The following DCDC1 variants were observed in gnomAD, a reference collection of about 807,000 sequenced individuals.
The protein encoded by DCDC1 is doublecortin domain-containing protein 1.
Under a neutral mutation model 178.3 loss-of-function variants are expected in DCDC1, and 200 were observed. The ratio of observed to expected loss-of-function variants is 1.12; its 90% CI spans 1.00 to 1.26. The LOEUF (loss-of-function observed/expected upper bound fraction) is 1.26, where lower values mean the gene tolerates loss of function less well. DCDC1 is among the 50% of genes most tolerant of loss of function. The probability of loss-of-function intolerance (pLI) is 0.00; values close to 1 mark genes in which losing one functional copy is unlikely to be tolerated. For missense variants in DCDC1, 1,983 were observed against 1,749.2 expected, an observed-to-expected ratio of 1.13 and a Z score of -2.38; for synonymous variants, 690 against 604.8, an observed-to-expected ratio of 1.14 and a Z score of -2.07.
chr11:31,330,071 G>C (rs1949883485), intron 2 of DCDC1, among the ~76,000 whole-genome samples: 1 of 152,122 alleles, frequency 6.6e-6, no homozygotes, highest in African/African-American at 2.4e-5. Context: ...GTTGTTTCCT[G>C]ACTTTTTAAT....
intron 12 of DCDC1, among the ~76,000 whole-genome samples, chr11:31,109,000 C>A (rs1959029122): frequency 6.6e-6 from 1 of 152,138 alleles, no homozygotes; most frequent in African/African-American, 2.4e-5. Context: ...TCCCAAAGAA[C>A]TTTATAATGC....
intron 20 of DCDC1, among the ~76,000 whole-genome samples, chr11:31,032,746 G>A (rs1953737652): frequency 6.6e-6 from 1 of 152,180 alleles, no homozygotes; most frequent in Admixed American, 6.5e-5. Flanking sequence ...GAGTTGGTTT[G>A]AAGTTGTGGG....
chr11:31,164,106 G>C (rs577713770), intron 9 of DCDC1, among the ~76,000 whole-genome samples: 1 of 152,126 alleles, frequency 6.6e-6, no homozygotes, highest in African/African-American at 2.4e-5. Context: ...AAATCTTTAT[G>C]AGAAAGGGCA....
intron 18 of DCDC1, among the ~76,000 whole-genome samples, chr11:31,066,086 G>C (rs1339734007): frequency 6.6e-6 from 1 of 152,072 alleles, no homozygotes; most frequent in African/African-American, 2.4e-5. Flanking sequence ...TAATATTTCA[G>C]TTATGTTAAT....
intron 20 of DCDC1, among the ~76,000 whole-genome samples, chr11:30,970,579 G>A (rs1206275058): frequency 6.6e-6 from 1 of 152,186 alleles, no homozygotes; most frequent in Non-Finnish European, 1.5e-5. Context: ...CATTGGCAGT[G>A]ACTCCACCAC....
At chr11:31,006,179 G>A (rs1292349810) in intron 20 of DCDC1, among the ~76,000 whole-genome samples, 1 of 152,028 alleles carries the variant, frequency 6.6e-6, no homozygotes, top group East Asian at 1.9e-4. Flanking sequence ...TATGAATACA[G>A]ATTCTCATTC....
At chr11:30,903,793 G>GA (rs1944877080) in intron 31 of DCDC1, 110 bp from the exon 32 acceptor site, 1 of 984,748 alleles carries the variant, frequency 1.0e-6, no homozygotes, top group African/African-American at 1.7e-5. Flanking sequence ...TTGAATTTGA[G>GA]AAAATAGAAA....
intron 11 of DCDC1, among the ~76,000 whole-genome samples, chr11:31,116,849 T>G (rs1327868907): frequency 6.6e-6 from 1 of 152,144 alleles, no homozygotes; most frequent in Non-Finnish European, 1.5e-5. Flanking sequence ...TTCATCAATC[T>G]AAATGGTAAC....
chr11:31,153,176 G>T lies in DCDC1; in HGVS notation c.1222-15392C>A, dbSNP rs1054153546. 3.9e-5 allele frequency among the ~76,000 whole-genome samples: 6 copies of T among 152,124 alleles called. No homozygotes were observed. In the East Asian group the frequency reaches 1.2e-3, roughly 29 times the overall value. On this transcript the variant is annotated intron_variant, in intron 9 of 38. Transcript: ENST00000684477. ...CCAAACCCCTCAGTGACTCCCTACT[G>T]CCTACAGGTTAGAAACCCAAGCTCT...
intron 9 of DCDC1, among the ~76,000 whole-genome samples, chr11:31,164,575 A>T (rs1966610976): frequency 6.6e-6 from 1 of 152,094 alleles, no homozygotes; most frequent in South Asian, 2.1e-4. Context: ...CGTAAAAAAA[A>T]ATTAAAAATA....
chr11:31,363,356 AAG>A (rs1951802761), intron 1 of DCDC1, among the ~76,000 whole-genome samples: 1 of 152,094 alleles, frequency 6.6e-6, no homozygotes, highest in Non-Finnish European at 1.5e-5. Context: ...ATTTTAAAAC[AAG>A]AGTTATTGCC....
intron 7 of DCDC1, among the ~76,000 whole-genome samples, chr11:31,279,170 G>T (rs1355464027): frequency 6.6e-6 from 1 of 152,048 alleles, no homozygotes; most frequent in Non-Finnish European, 1.5e-5. Context: ...TGCACATATT[G>T]TGTTAAATGA....
intron 20 of DCDC1, among the ~76,000 whole-genome samples, chr11:30,988,471 G>A (rs1022030386): frequency 6.6e-6 from 1 of 151,902 alleles, no homozygotes; most frequent in Admixed American, 6.6e-5. Flanking sequence ...GTTTGGGAAA[G>A]GAAAATAAGC....
At position 30,925,272 on chromosome 11, in the gene DCDC1, T is replaced by C. The variant is rs1590384997; in HGVS notation, c.2997+37A>G. ...GATTCTTTCTTGGATGGGGTATTAA[T>C]AAATTAATATTGCCAGTTTCAAATC... On this transcript the variant is annotated intron_variant, in intron 23 of 38. Coordinates refer to ENST00000684477, the MANE Select transcript of DCDC1 (RefSeq NM_001387274.1). 1.1e-5 allele frequency: 17 copies of C among 1,551,854 alleles called. No individual in the cohort carries two copies. In the East Asian group the frequency reaches 3.8e-4, roughly 35 times the overall value.
chr11:31,252,864 G>A (rs747777795), intron 8 of DCDC1, among the ~76,000 whole-genome samples: 3 of 151,932 alleles, frequency 2.0e-5, no homozygotes, highest in African/African-American at 4.8e-5. Context: ...AAGCAGTGAC[G>A]GGATGGACAC....
At chr11:31,094,997 T>A (rs2135692768) in intron 15 of DCDC1, among the ~76,000 whole-genome samples, 1 of 152,114 alleles carries the variant, frequency 6.6e-6, no homozygotes, top group East Asian at 1.9e-4. Flanking sequence ...CCTGTGTCCC[T>A]TTGTTCTCAT....
chr11:31,326,286 G>C (rs1480319884), intron 3 of DCDC1, among the ~76,000 whole-genome samples: 1 of 152,084 alleles, frequency 6.6e-6, no homozygotes, highest in Admixed American at 6.6e-5. Flanking sequence ...AATAAAGCCA[G>C]TGTTAAACCG....
intron 21 of DCDC1, among the ~76,000 whole-genome samples, chr11:30,951,490 G>A (rs1158529960): frequency 3.3e-5 from 5 of 152,040 alleles, no homozygotes; most frequent in South Asian, 2.1e-4. Context: ...TGGAACATAC[G>A]AAGAAATTAT....
At chr11:30,943,611 A>G (rs1947811392) in intron 21 of DCDC1, 1 of 447,330 alleles carries the variant, frequency 2.2e-6, no homozygotes, top group Non-Finnish European at 4.5e-6. Flanking sequence ...CAATTTTTCA[A>G]TTCACAACTT....
Sources: allele counts gnomAD v4.1 joint callset (sites outside exome capture counted in the v4.1 genomes callset), GRCh38; gene constraint gnomAD v4.1.1; transcripts MANE v1.5; gene names NCBI Gene and HGNC (gene_info 2026-07-23, HGNC 2026-07-21).